Variants in SUPT3H observed in about 807,000 individuals in gnomAD.
SUPT3H encodes the protein SPT3 homolog, SAGA and STAGA complex component, also known as transcription initiation protein SPT3 homolog.
Under a neutral mutation model 44.3 loss-of-function variants are expected in SUPT3H, and 44 were observed. The ratio of observed to expected loss-of-function variants is 0.99; its 90% confidence interval spans 0.78 to 1.28. SUPT3H has a LOEUF of 1.28. Among genes scored for constraint, SUPT3H ranks in the 50% most tolerant of loss-of-function variants. The pLI, the probability that SUPT3H is intolerant of heterozygous loss-of-function variation, is 0.00. For missense variants in SUPT3H, 380 were observed against 387.1 expected, an observed-to-expected ratio of 0.98 and a Z score of 0.15; for synonymous variants, 124 against 125.6, an observed-to-expected ratio of 0.99 and a Z score of 0.09.
chr6:45,277,925 A>G (rs1777291116), intron 2 of SUPT3H, among the ~76,000 whole-genome samples: 1 of 152,204 alleles, frequency 6.6e-6, no homozygotes, highest in Non-Finnish European at 1.5e-5. Flanking sequence ...CAATTTATAC[A>G]GCATGGAATA....
chr6:44,973,559 T>C (rs767481908), intron 6 of SUPT3H, among the ~76,000 whole-genome samples: 54 of 152,326 alleles, frequency 3.5e-4, no homozygotes, highest in Admixed American at 5.2e-4. Flanking sequence ...GCCTCCAAAC[T>C]GTTCCGACCT....
At chr6:45,243,849 C>T (rs1770846292) in intron 2 of SUPT3H, among the ~76,000 whole-genome samples, 2 of 152,110 alleles carry the variant, frequency 1.3e-5, no homozygotes, top group East Asian at 1.9e-4. Flanking sequence ...TTACAATATA[C>T]CCGATCTGTT....
intron 6 of SUPT3H, among the ~76,000 whole-genome samples, chr6:44,987,990 T>C (rs1780055784): frequency 6.6e-6 from 1 of 152,152 alleles, no homozygotes; most frequent in Non-Finnish European, 1.5e-5. Context: ...TATTTGAGAT[T>C]CTTAGTGAAG....
intron 2 of SUPT3H, among the ~76,000 whole-genome samples, chr6:45,158,226 AG>A (rs1808198034): frequency 7.1e-6 from 1 of 140,918 alleles, no homozygotes; most frequent in Non-Finnish European, 1.5e-5. Flanking sequence ...ATAGATAGAT[AG>A]ATAGATAGAT....
intron 2 of SUPT3H, among the ~76,000 whole-genome samples, chr6:45,128,533 A>AATATATATATAT (rs1554257895): frequency 1.3e-3 from 67 of 52,230 alleles, no homozygotes; most frequent in Admixed American, 4.0e-3. Flanking sequence ...AAAAAAAAAA[A>AATATATATATAT]ATATATATAT....
intron 3 of SUPT3H, chr6:45,097,354 C>CTAG (rs1424237469): frequency 6.6e-6 from 1 of 152,208 alleles, no homozygotes; most frequent in Non-Finnish European, 1.5e-5. Context: ...TTCCCAGAAA[C>CTAG]TCTAGAGAGA....
intron 2 of SUPT3H, among the ~76,000 whole-genome samples, chr6:45,309,979 G>A (rs920628503): frequency 1.4e-4 from 21 of 152,186 alleles, no homozygotes; most frequent in East Asian, 3.9e-4. Flanking sequence ...TGAAGAAAGC[G>A]GACTGCTCCT....
chr6:45,213,137 G>A (rs558091320), intron 2 of SUPT3H, among the ~76,000 whole-genome samples: 1 of 152,144 alleles, frequency 6.6e-6, no homozygotes, highest in African/African-American at 2.4e-5. Flanking sequence ...CCTGAAGAGT[G>A]ACATGAGTCT....
intron 2 of SUPT3H, among the ~76,000 whole-genome samples, chr6:45,123,991 A>T (rs1471695007): frequency 1.3e-5 from 2 of 152,198 alleles, no homozygotes; most frequent in African/African-American, 4.8e-5. Flanking sequence ...CTGAACAAAA[A>T]CAGGGAGCTA....
chr6:44,878,054 G>A (rs967443731), intron 10 of SUPT3H, among the ~76,000 whole-genome samples: 3 of 152,176 alleles, frequency 2.0e-5, no homozygotes, highest in Non-Finnish European at 4.4e-5. Flanking sequence ...AACTAAAGGA[G>A]TCCTTCCAGG....
At chr6:45,193,200 C>A (rs989843311) in intron 2 of SUPT3H, among the ~76,000 whole-genome samples, 1 of 152,068 alleles carries the variant, frequency 6.6e-6, no homozygotes, top group Non-Finnish European at 1.5e-5. Context: ...CAGAATAACA[C>A]ATGTACACCA....
chr6:45,044,063 T>C (rs1419337048), intron 3 of SUPT3H, among the ~76,000 whole-genome samples: 1 of 152,180 alleles, frequency 6.6e-6, no homozygotes, highest in African/African-American at 2.4e-5. Context: ...ATTAAGCTAC[T>C]ACAGTTCCCT....
chr6:45,189,325 A>G (rs905289798), intron 2 of SUPT3H, among the ~76,000 whole-genome samples: 7 of 152,310 alleles, frequency 4.6e-5, no homozygotes, highest in South Asian at 2.1e-4. Context: ...TTTAAATATA[A>G]AACAAAACCT....
At chr6:45,186,994 C>T (rs541164474) in intron 2 of SUPT3H, among the ~76,000 whole-genome samples, 5 of 151,100 alleles carry the variant, frequency 3.3e-5, no homozygotes, top group South Asian at 2.1e-4. Context: ...TTAGGCCAAG[C>T]GCAGAGTATG....
intron 10 of SUPT3H, among the ~76,000 whole-genome samples, chr6:44,849,997 A>T (rs1334351388): frequency 6.6e-6 from 1 of 152,216 alleles, no homozygotes; most frequent in Non-Finnish European, 1.5e-5. Flanking sequence ...ATTTGGAGCA[A>T]TGCATAGATA....
chr6:45,237,167 C>T (rs1769323371), intron 2 of SUPT3H, among the ~76,000 whole-genome samples: 1 of 152,166 alleles, frequency 6.6e-6, no homozygotes, highest in South Asian at 2.1e-4. Context: ...AATCAAATTA[C>T]TGATCAATGT....
rs1767976941 is a variant in SUPT3H, at chr6:44,828,157, C to A, written c.*1659G>T. On this transcript the variant is annotated 3_prime_UTR_variant, in exon 11 of 11. Transcript: ENST00000371459. ...CATCTATAAGCCTGGCAGATCAAAA[C>A]CAAATACAATAAATGCTATCGTTTA... is the stretch of plus-strand genomic sequence containing the variant. 6.7e-6 allele frequency among the ~76,000 whole-genome samples: 1 copy of A among 150,018 alleles called. No individual in the cohort carries two copies. Among genetic ancestry groups the A allele is most frequent in the African/African-American group, 2.4e-5 (1 of 40,946 alleles).
At chr6:44,960,826 C>CA (rs990119906) in intron 7 of SUPT3H, among the ~76,000 whole-genome samples, 10 of 152,030 alleles carry the variant, frequency 6.6e-5, no homozygotes, top group African/African-American at 2.4e-4. Context: ...AAAAATCTTC[C>CA]AAAACATGTT....
chr6:45,264,178 A>T (rs578097244), intron 2 of SUPT3H, among the ~76,000 whole-genome samples: 1 of 152,158 alleles, frequency 6.6e-6, no homozygotes, highest in East Asian at 1.9e-4. Flanking sequence ...TTACATAAGC[A>T]TTATAAAACA....
Sources: gnomAD v4.1 joint callset for allele counts (sites outside exome capture counted in the v4.1 genomes callset) on GRCh38, gnomAD v4.1.1 for gene constraint, MANE v1.5 for transcripts, NCBI Gene and HGNC (gene_info 2026-07-23, HGNC 2026-07-21) for gene names.